The following POU3F3 variants were observed in gnomAD, a reference collection of about 807,000 sequenced individuals.
POU3F3 encodes the protein POU domain, class 3, transcription factor 3.
POU3F3 carries 1 observed loss-of-function variant against 8.6 expected under a neutral mutation model. That is an observed-to-expected ratio of 0.12 (90% confidence interval 0.04 to 0.55). The LOEUF is 0.55. Ranked by LOEUF, POU3F3 falls within the 20% of genes least tolerant of loss-of-function variation. POU3F3 has a pLI of 0.91. For synonymous variants in POU3F3, 418 were observed against 327.4 expected (o/e 1.28, Z -2.99); for missense variants, 577 against 690.7 (o/e 0.84, Z 1.84).
At chr2:104,889,700 A>T in the POU3F3 span, among the ~76,000 whole-genome samples, 1 of 152,176 alleles carries the variant, frequency 6.6e-6, no homozygotes, top group Non-Finnish European at 1.5e-5. Flanking sequence ...CATCATAGTT[A>T]AATTGTCAGG....
chr2:104,916,618 A>C, the POU3F3 span, among the ~76,000 whole-genome samples: 1 of 152,146 alleles, frequency 6.6e-6, no homozygotes, highest in Admixed American at 6.5e-5. Flanking sequence ...GGTATACCCA[A>C]GATAGAAGCC....
chr2:104,865,928 G>A, the POU3F3 span: 1 of 152,202 alleles, frequency 6.6e-6, no homozygotes, highest in Non-Finnish European at 1.5e-5. Context: ...TTGGTCTTGA[G>A]AATCTTTAGG....
the POU3F3 span, among the ~76,000 whole-genome samples, chr2:104,877,496 T>C: frequency 4.6e-5 from 7 of 152,154 alleles, no homozygotes; most frequent in Non-Finnish European, 1.0e-4. Context: ...TGTGCGCTAA[T>C]GCCACCCATA....
the POU3F3 span, among the ~76,000 whole-genome samples, chr2:104,885,033 C>T: frequency 2.0e-5 from 3 of 152,104 alleles, no homozygotes; most frequent in Admixed American, 2.0e-4. Context: ...GTAGGACACA[C>T]AACCCAGTCT....
At chr2:104,923,763 AT>A in the POU3F3 span, among the ~76,000 whole-genome samples, 3 of 152,342 alleles carry the variant, frequency 2.0e-5, no homozygotes, top group African/African-American at 7.2e-5. Flanking sequence ...TAAGAAATAC[AT>A]TATTCAACTA....
At chr2:104,891,540 C>A in the POU3F3 span, among the ~76,000 whole-genome samples, 4 of 152,068 alleles carry the variant, frequency 2.6e-5, no homozygotes, top group African/African-American at 9.7e-5. Flanking sequence ...ACAAATCAAT[C>A]GGAAGAGTAA....
At chr2:104,862,623 G>A (rs1379299769), downstream of POU3F3, among the ~76,000 whole-genome samples, 2 of 152,166 alleles carry the variant, frequency 1.3e-5, no homozygotes, top group African/African-American at 4.8e-5. Flanking sequence ...GGCCCGGCAC[G>A]GCCGGGCGGC....
At chr2:104,885,628 A>G in the POU3F3 span, among the ~76,000 whole-genome samples, 3 of 152,192 alleles carry the variant, frequency 2.0e-5, no homozygotes, top group African/African-American at 7.2e-5. Flanking sequence ...AAGTTACCCT[A>G]TATGGTGTAA....
chr2:104,921,879 C>T, the POU3F3 span, among the ~76,000 whole-genome samples: 1 of 152,146 alleles, frequency 6.6e-6, no homozygotes, highest in African/African-American at 2.4e-5. Flanking sequence ...CACCTGTAGT[C>T]CCAGCTACTC....
At position 104,856,085 on chromosome 2, in the gene POU3F3, C is replaced by T; in HGVS notation, c.575C>T (p.Ala192Val). The change falls in exon 1 of 1, where the codon GCT becomes GTT. Residue 192 changes from alanine to valine, a missense_variant. Ala to Val is a moderately conservative substitution (Grantham distance 64). Coordinates refer to ENST00000361360, the MANE Select transcript of POU3F3 (RefSeq NM_006236.3). ...CCTGGGGGCTGGGGGGCGGCCGCCG[C>T]TGCCGCAGCCGCAGCCGCCGCCGCC... The part of the protein sequence containing the change: ...GHPGGWGAAA[A>V]AAAAAAAAAA... The T allele has an allele frequency of 9.7e-7, 1 of 1,029,428 alleles. No homozygotes were observed. Among genetic ancestry groups the T allele is most frequent in the Non-Finnish European group, 1.2e-6 (1 of 866,024 alleles). The allele number at this position is 1,029,428 out of a possible 1,614,324, so 63.8% of individuals were successfully genotyped here. A position where few individuals can be genotyped will look rare whatever the true frequency, so the allele number is the denominator to read the frequency against.
At chr2:104,873,298 T>A in the POU3F3 span, among the ~76,000 whole-genome samples, 2 of 152,184 alleles carry the variant, frequency 1.3e-5, no homozygotes, top group Non-Finnish European at 2.9e-5. Flanking sequence ...CAGCCGGCGC[T>A]GGCTGCTTGA....
At chr2:104,860,284 G>A (rs1479225914), downstream of POU3F3, among the ~76,000 whole-genome samples, 1 of 152,154 alleles carries the variant, frequency 6.6e-6, no homozygotes, top group East Asian at 1.9e-4. Context: ...GTGAGCTAAT[G>A]CTTGCACTCC....
chr2:104,916,268 A>G, the POU3F3 span, among the ~76,000 whole-genome samples: 1 of 152,216 alleles, frequency 6.6e-6, no homozygotes, highest in Non-Finnish European at 1.5e-5. Context: ...AACTAGATTT[A>G]TTGACAGCCT....
the POU3F3 span, chr2:104,867,508 C>G: frequency 1.3e-5 from 2 of 152,422 alleles, no homozygotes; most frequent in African/African-American, 4.8e-5. This position sits in a 1 kb window ranked among gnomAD's most constrained non-coding sequence, Gnocchi z 5.0. Flanking sequence ...CGCAGACGTG[C>G]CCGGGTTGTC....
At chr2:104,883,804 A>T in the POU3F3 span, among the ~76,000 whole-genome samples, 1 of 152,134 alleles carries the variant, frequency 6.6e-6, no homozygotes, top group African/African-American at 2.4e-5. Flanking sequence ...GAGTGAGGGG[A>T]TGCTTGTAAA....
At chr2:104,887,194 G>A in the POU3F3 span, among the ~76,000 whole-genome samples, 3 of 152,166 alleles carry the variant, frequency 2.0e-5, no homozygotes, top group Non-Finnish European at 4.4e-5. Flanking sequence ...TGGTTTTGGT[G>A]GGTTTTAGCC....
chr2:104,916,102 G>A, the POU3F3 span, among the ~76,000 whole-genome samples: 1 of 152,050 alleles, frequency 6.6e-6, no homozygotes, highest in Non-Finnish European at 1.5e-5. Context: ...TAATATTTGT[G>A]CCATCCCTTA....
chr2:104,856,228 C>A lies in POU3F3; in HGVS notation c.718C>A (p.Pro240Thr). The A allele has an allele frequency of 7.9e-7, 1 of 1,271,294 alleles. No individual in the cohort carries two copies. The highest frequency in any genetic ancestry group is 9.8e-7 in the Non-Finnish European group (1 of 1,017,574). The allele number at this position is 1,271,294 out of a possible 1,614,324, so 78.8% of individuals were successfully genotyped here. The stretch of plus-strand genomic sequence containing the variant: ...CGGCATGCTGAGCGCGCCACCGGGG[C>A]CCGGCGGCGGCGGCGGCGGCGCGGG... ...VNGMLSAPPG[P>T]GGGGGGAGGG... The change falls in exon 1 of 1, where the codon CCC becomes ACC. Residue 240 changes from proline (P) to threonine (T), a missense_variant. Physicochemically the swap from Pro to Thr is conservative, Grantham distance 38 (BLOSUM62 -1). Around this residue, in one of 7 missense-constraint regions of POU3F3, gnomAD observed 484 missense variants for 422.6 expected, o/e 1.15. Coordinates refer to ENST00000361360, the MANE Select transcript of POU3F3 (RefSeq NM_006236.3).
the POU3F3 span, among the ~76,000 whole-genome samples, chr2:104,904,811 G>T: frequency 2.0e-3 from 309 of 152,216 alleles, 2 homozygotes; most frequent in Non-Finnish European, 1.8e-3. Flanking sequence ...TTAAGGCTGT[G>T]GTACCTGGGG....
Sources: gnomAD v4.1 joint callset for allele counts (sites outside exome capture counted in the v4.1 genomes callset) on GRCh38, gnomAD v4.1.1 for gene constraint, gnomAD v4.1.1 regional missense constraint, Gnocchi (gnomAD v3.1) non-coding constraint, MANE v1.5 for transcripts, NCBI Gene and HGNC (gene_info 2026-07-23, HGNC 2026-07-21) for gene names.